WDPCP: variants seen among roughly 807,000 people sequenced by gnomAD.
WDPCP encodes the protein WD repeat containing planar cell polarity effector.
A neutral mutation model predicts 93.1 loss-of-function variants in WDPCP; 71 were observed. The observed-to-expected ratio is 0.76, with a 90% confidence interval of 0.63 to 0.93. The LOEUF (loss-of-function observed/expected upper bound fraction) is 0.93. Among genes scored for constraint, WDPCP ranks in the 40% least tolerant of loss-of-function variants. The pLI, the probability that WDPCP is intolerant of heterozygous loss-of-function variation, is 0.00. For synonymous variants in WDPCP, 315 were observed against 315.0 expected, an observed-to-expected ratio of 1.00 and a Z score of 0.00; for missense variants, 844 against 887.4, an observed-to-expected ratio of 0.95 and a Z score of 0.62.
At chr2:63,695,472 T>A (rs544673902) in intron 2 of WDPCP, among the ~76,000 whole-genome samples, 57 of 152,300 alleles carry the variant, frequency 3.7e-4, no homozygotes, top group Non-Finnish European at 7.5e-4. Flanking sequence ...ATATATTGCA[T>A]GGGACACAGT....
chr2:63,327,624 G>T (rs1413374001), intron 12 of WDPCP, among the ~76,000 whole-genome samples: 1 of 152,182 alleles, frequency 6.6e-6, no homozygotes, highest in East Asian at 1.9e-4. Flanking sequence ...GTCAGGGACA[G>T]TATGAGATAT....
chr2:63,442,649 G>T (rs1697577393), intron 6 of WDPCP: 1 of 152,128 alleles, frequency 6.6e-6, no homozygotes, highest in African/African-American at 2.4e-5. Flanking sequence ...GCAATCTTTT[G>T]TTGCCTCTCC....
At chr2:63,173,171 A>G (rs779985134) in intron 15 of WDPCP, among the ~76,000 whole-genome samples, 5 of 151,830 alleles carry the variant, frequency 3.3e-5, no homozygotes, top group African/African-American at 4.8e-5. Context: ...TGGAGGGTGA[A>G]GCAGGAGAGT....
chr2:63,402,004 C>G (rs1489377929), intron 10 of WDPCP, among the ~76,000 whole-genome samples: 1 of 152,006 alleles, frequency 6.6e-6, no homozygotes, highest in Non-Finnish European at 1.5e-5. Context: ...AATCATTCTG[C>G]TATAAAGACA....
chr2:63,460,337 G>T (rs1698921847), intron 6 of WDPCP, among the ~76,000 whole-genome samples: 1 of 152,162 alleles, frequency 6.6e-6, no homozygotes, highest in African/African-American at 2.4e-5. Context: ...TGGGAATCGG[G>T]GGTGGGGGAG....
chr2:63,620,585 T>G (rs1446333492), intron 3 of WDPCP, among the ~76,000 whole-genome samples: 3 of 152,150 alleles, frequency 2.0e-5, no homozygotes, highest in African/African-American at 7.2e-5. Flanking sequence ...AAGGGGTGGG[T>G]GTGGGCACAG....
At chr2:63,290,210 T>C (rs1459709879) in intron 13 of WDPCP, among the ~76,000 whole-genome samples, 1 of 152,046 alleles carries the variant, frequency 6.6e-6, no homozygotes, top group Non-Finnish European at 1.5e-5. Flanking sequence ...TTTCCTCTTT[T>C]GACTTTTTAA....
intron 15 of WDPCP, among the ~76,000 whole-genome samples, chr2:63,166,266 C>T (rs914646892): frequency 2.0e-5 from 3 of 152,052 alleles, no homozygotes; most frequent in Non-Finnish European, 4.4e-5. Flanking sequence ...GGGGTTTCAC[C>T]ATGTTGGCCA....
At chr2:63,479,469 A>T (rs953979334) in intron 6 of WDPCP, among the ~76,000 whole-genome samples, 3 of 152,152 alleles carry the variant, frequency 2.0e-5, no homozygotes, top group African/African-American at 7.2e-5. Context: ...TCAACAACAC[A>T]TCACAAGATA....
At chr2:63,368,357 G>A (rs754150246) in intron 12 of WDPCP, among the ~76,000 whole-genome samples, 19 of 149,026 alleles carry the variant, frequency 1.3e-4, no homozygotes, top group Non-Finnish European at 2.4e-4. Flanking sequence ...ACAGTGTCTC[G>A]CTCTGTCGCC....
chr2:63,583,348 T>C (rs1440574078), intron 1 of WDPCP, among the ~76,000 whole-genome samples: 1 of 152,042 alleles, frequency 6.6e-6, no homozygotes, highest in African/African-American at 2.4e-5. Context: ...ATGGGACAAA[T>C]TGAAGACAAA....
chr2:63,717,336 C>A, intron 2 of WDPCP: 1 of 499,882 alleles, frequency 2.0e-6, no homozygotes. Context: ...AAAATGATGG[C>A]ACAATAGGCA....
intron 14 of WDPCP, among the ~76,000 whole-genome samples, chr2:63,178,651 C>T (rs1160215221): frequency 6.6e-6 from 1 of 151,854 alleles, no homozygotes; most frequent in Non-Finnish European, 1.5e-5. Flanking sequence ...TTTAGAAAAA[C>T]CACCTCTTAA....
intron 14 of WDPCP, among the ~76,000 whole-genome samples, chr2:63,192,776 A>G (rs1253481663): frequency 2.0e-5 from 3 of 152,218 alleles, no homozygotes; most frequent in South Asian, 2.1e-4. Context: ...GATCTTATAC[A>G]TTATTTTTTA....
intron 14 of WDPCP, among the ~76,000 whole-genome samples, chr2:63,254,460 C>A (rs1262210629): frequency 6.6e-6 from 1 of 151,702 alleles, no homozygotes; most frequent in Non-Finnish European, 1.5e-5. Flanking sequence ...TTGGGAGGAC[C>A]AAATAAGGTA....
intron 1 of WDPCP, among the ~76,000 whole-genome samples, chr2:63,542,846 A>G (rs2106314851): frequency 6.6e-6 from 1 of 152,286 alleles, no homozygotes; most frequent in Admixed American, 6.5e-5. Flanking sequence ...AACAGAAGGA[A>G]AACACCTCTT....
chr2:63,301,495 A>T (rs1575094977), intron 13 of WDPCP, among the ~76,000 whole-genome samples: 1 of 152,336 alleles, frequency 6.6e-6, no homozygotes, highest in East Asian at 1.9e-4. Flanking sequence ...GCCTTCTTCA[A>T]CTATTATGTA....
At chr2:63,430,788 AG>A (rs1470694448) in intron 9 of WDPCP, among the ~76,000 whole-genome samples, 1 of 152,208 alleles carries the variant, frequency 6.6e-6, no homozygotes, top group East Asian at 1.9e-4. Flanking sequence ...AGGCTGGGGC[AG>A]GATAATCACT....
chr2:63,237,151 C>T (rs1229321865), intron 14 of WDPCP, among the ~76,000 whole-genome samples: 2 of 151,672 alleles, frequency 1.3e-5, no homozygotes. Context: ...AAAAAAATAA[C>T]CCCATTAAAA....
Sources: allele counts gnomAD v4.1 joint callset (sites outside exome capture counted in the v4.1 genomes callset), GRCh38; gene constraint gnomAD v4.1.1; transcripts MANE v1.5; gene names NCBI Gene and HGNC (gene_info 2026-07-23, HGNC 2026-07-21).